The following TMEM63A variants were observed in gnomAD, a reference collection of about 807,000 sequenced individuals.
TMEM63A encodes transmembrane protein 63A, also known as mechanosensitive cation channel TMEM63A.
Under a neutral mutation model 100.6 loss-of-function variants are expected in TMEM63A, and 76 were observed. The observed-to-expected ratio is 0.76, with a 90% CI of 0.63 to 0.91. TMEM63A has a LOEUF of 0.91. TMEM63A is among the 40% of genes least tolerant of loss of function. The pLI is 0.00. For missense variants in TMEM63A, 876 were observed against 1,008.8 expected, an observed-to-expected ratio of 0.87 and a Z score of 1.78; for synonymous variants, 401 against 401.1, an observed-to-expected ratio of 1.00 and a Z score of 0.00.
At chr1:225,874,404 G>T in intron 3 of TMEM63A, 37 bp from the exon 4 acceptor site, 2 of 1,582,214 alleles carry the variant, frequency 1.3e-6, no homozygotes, top group Non-Finnish European at 8.7e-7. Flanking sequence ...AAGCATATTG[G>T]ATGGCTTCTC....
At position 225,877,503 on chromosome 1, in the gene TMEM63A, C is replaced by A; in HGVS notation, c.78G>T (p.Arg26=). 6.2e-7 allele frequency: 1 copy of A among 1,614,174 alleles called. No individual in the cohort carries two copies. Among genetic ancestry groups the A allele is most frequent in the Non-Finnish European group, 8.5e-7 (1 of 1,180,028 alleles). ...AGTTGTAGCAATAGGAGTCGTTGGGCCGGTCCCCGAGTCCCAGCTGCTCCC... is the reference window on the plus strand; with the variant it reads ...AGTTGTAGCAATAGGAGTCGTTGGGACGGTCCCCGAGTCCCAGCTGCTCCC... ...SIREQLGLGD[R]PNDSYCYNSA... is the part of the protein sequence containing the mutation. Residue 26 remains arginine, a synonymous_variant, in exon 3 of 25, where the codon CGG becomes CGT. Coordinates refer to ENST00000366835, the MANE Select transcript of TMEM63A (RefSeq NM_014698.3).
chr1:225,849,246 C>T (rs1485919962), intron 21 of TMEM63A, among the ~76,000 whole-genome samples: 1 of 151,668 alleles, frequency 6.6e-6, no homozygotes, highest in Non-Finnish European at 1.5e-5. Context: ...GGCATCATCC[C>T]TGGTCAGATT....
intron 15 of TMEM63A, among the ~76,000 whole-genome samples, chr1:225,858,623 C>A (rs1187572928): frequency 1.3e-5 from 2 of 152,118 alleles, no homozygotes. Flanking sequence ...CCGTGCCCGG[C>A]CCCAAAATAG....
At chr1:225,849,396 C>A (rs992228256) in intron 21 of TMEM63A, among the ~76,000 whole-genome samples, 3 of 152,202 alleles carry the variant, frequency 2.0e-5, no homozygotes, top group Admixed American at 1.3e-4. Flanking sequence ...GTCTTTCCCC[C>A]AGGAGTGTCA....
In TMEM63A at chr1:225,849,906, G is replaced by A. The variant is rs762361571; in HGVS notation, c.2071+6C>T. The A allele has an allele frequency of 3.1e-6, 5 of 1,613,476 alleles. No individual in the cohort carries two copies. The South Asian group carries it at 4.4e-5, about 14-fold the overall frequency. On this transcript the variant is annotated splice_donor_region_variant and intron_variant, in intron 21 of 24. Transcript: ENST00000366835. Reference sequence around the variant, plus strand: ...GGGCTGGCCCCAGGTCAGAAGGGCTGCTCACCCAGGCGCAGGAAGGAAAAG... The same window carrying A: ...GGGCTGGCCCCAGGTCAGAAGGGCTACTCACCCAGGCGCAGGAAGGAAAAG...
At chr1:225,868,973 G>A (rs1290717499) in intron 6 of TMEM63A, among the ~76,000 whole-genome samples, 1 of 152,200 alleles carries the variant, frequency 6.6e-6, no homozygotes, top group African/African-American at 2.4e-5. Context: ...GAAGGGGCAG[G>A]GCACTCTGCT....
At chr1:225,855,822 C>T (rs1166549266) in intron 18 of TMEM63A, 56 bp downstream of exon 18, 1 of 1,574,646 alleles carries the variant, frequency 6.4e-7, no homozygotes, top group East Asian at 2.2e-5. Flanking sequence ...AGCCCCAGCC[C>T]CTGTGGGACT....
intron 23 of TMEM63A, 73 bp from the exon 24 acceptor site, chr1:225,847,286 T>G (rs755380902): frequency 5.8e-6 from 9 of 1,543,270 alleles, no homozygotes; most frequent in Non-Finnish European, 7.9e-6. Flanking sequence ...CCTCCTGCCC[T>G]TCTCCCAACA....
intron 4 of TMEM63A, among the ~76,000 whole-genome samples, chr1:225,873,719 C>T (rs1370650396): frequency 6.6e-6 from 1 of 152,196 alleles, no homozygotes; most frequent in Non-Finnish European, 1.5e-5. Flanking sequence ...CATCCAAACC[C>T]GGCGCTGACC....
chr1:225,876,883 A>G (rs1670832449), intron 3 of TMEM63A, among the ~76,000 whole-genome samples: 2 of 152,100 alleles, frequency 1.3e-5, no homozygotes. Context: ...TCCTGACCTC[A>G]GGCAATCTAC....
chr1:225,878,884 C>CCACA (rs1559054316), intron 2 of TMEM63A, among the ~76,000 whole-genome samples: 897 of 51,616 alleles, frequency 0.017, 17 homozygotes, highest in African/African-American at 0.062. Context: ...ACCTACCTAC[C>CCACA]TACACACACA....
intron 15 of TMEM63A, among the ~76,000 whole-genome samples, chr1:225,857,376 C>CGGGGTGGG (rs1213111924): frequency 9.2e-4 from 3 of 3,262 alleles, no homozygotes; most frequent in African/African-American, 1.2e-3. Flanking sequence ...GAGTCCTGGC[C>CGGGGTGGG]GGCGGGGCGG....
At position 225,861,017 on chromosome 1, in the gene TMEM63A, C is replaced by G. The variant is rs775541928; in HGVS notation, c.1086-20G>C. On this transcript the variant is annotated intron_variant, in intron 13 of 24. Transcript: ENST00000366835. ...AGGATGCTGCAAGGAAATGTAGCAA[C>G]AGCCAGGCCCAGGCTACTCAGGTTA... The G allele has an allele frequency of 6.3e-7, 1 of 1,594,370 alleles. No homozygotes were observed. Among genetic ancestry groups the G allele is most frequent in the East Asian group, 2.2e-5 (1 of 44,496 alleles).
intron 21 of TMEM63A, 133 bp downstream of exon 21, chr1:225,849,779 G>T: frequency 8.7e-7 from 1 of 1,153,704 alleles, no homozygotes; most frequent in Non-Finnish European, 1.2e-6. Flanking sequence ...CACCTAACCA[G>T]CCCTCACTCT....
intron 23 of TMEM63A, 36 bp downstream of exon 23, chr1:225,848,456 G>C (rs1315466692): frequency 6.2e-7 from 1 of 1,609,828 alleles, no homozygotes; most frequent in South Asian, 1.1e-5. Context: ...GCAAAAAAAA[G>C]GGCGACAAGC....
At chr1:225,872,276 T>C (rs935295137) in intron 4 of TMEM63A, among the ~76,000 whole-genome samples, 9 of 152,178 alleles carry the variant, frequency 5.9e-5, no homozygotes, top group African/African-American at 2.2e-4. Flanking sequence ...TTATACGGGA[T>C]GAATAGCAAG....
chr1:225,856,007 C>T, intron 17 of TMEM63A, 67 bp from the exon 18 acceptor site: 1 of 1,534,782 alleles, frequency 6.5e-7, no homozygotes, highest in Non-Finnish European at 8.9e-7. Flanking sequence ...CACATGCTTT[C>T]ATTTTCTTTT....
downstream of TMEM63A, chr1:225,845,163 C>G (rs777203656): frequency 6.2e-7 from 1 of 1,614,104 alleles, no homozygotes; most frequent in Non-Finnish European, 8.5e-7. Context: ...GTCTATGTGC[C>G]CACTGGCTTC....
At chr1:225,875,783 G>A (rs985144039) in intron 3 of TMEM63A, among the ~76,000 whole-genome samples, 3 of 151,422 alleles carry the variant, frequency 2.0e-5, no homozygotes, top group African/African-American at 7.3e-5. Flanking sequence ...TCCACCCCTG[G>A]CCGGGCACCA....
Sources: gnomAD v4.1 joint callset for allele counts (sites outside exome capture counted in the v4.1 genomes callset) on GRCh38, gnomAD v4.1.1 for gene constraint, MANE v1.5 for transcripts, NCBI Gene and HGNC (gene_info 2026-07-23, HGNC 2026-07-21) for gene names.